C11orf54: variants seen among roughly 807,000 people sequenced by gnomAD.
C11orf54 encodes the protein beta-keto L-gulonate decarboxylase.
A neutral mutation model predicts 35.5 loss-of-function variants in C11orf54; 29 were observed. That is an observed-to-expected ratio of 0.82 (90% CI 0.61 to 1.11). The LOEUF (loss-of-function observed/expected upper bound fraction) is 1.11. Among genes scored for constraint, C11orf54 ranks in the 50% most tolerant of loss-of-function variants. C11orf54 has a pLI of 0.00. For synonymous variants in C11orf54, 108 were observed against 121.1 expected, an observed-to-expected ratio of 0.89 and a Z score of 0.71; for missense variants, 373 against 369.2, an observed-to-expected ratio of 1.01 and a Z score of -0.08.
chr11:93,748,981 TA>T (rs1942644929), intron 2 of C11orf54, among the ~76,000 whole-genome samples: 1 of 151,280 alleles, frequency 6.6e-6, no homozygotes, highest in South Asian at 2.1e-4. Context: ...CTGTCTCTAC[TA>T]AAAATAGAAA....
intron 1 of C11orf54, 66 bp from the exon 2 acceptor site, chr11:93,747,231 G>T (rs1020028146): frequency 4.7e-6 from 2 of 424,276 alleles, no homozygotes; most frequent in Non-Finnish European, 8.3e-6. Context: ...GCCTGTTTAT[G>T]AAGATAGAAA....
intron 1 of C11orf54, among the ~76,000 whole-genome samples, chr11:93,743,290 C>A (rs1174523111): frequency 1.3e-5 from 2 of 152,078 alleles, no homozygotes; most frequent in African/African-American, 4.8e-5. Context: ...CGTGAATCAC[C>A]GCGCCCGGCC....
intron 2 of C11orf54, 87 bp downstream of exon 2, chr11:93,747,535 C>CG: frequency 1.4e-6 from 1 of 712,604 alleles, no homozygotes; most frequent in Non-Finnish European, 2.2e-6. Flanking sequence ...CTATATCTTA[C>CG]TACTTATGTA....
At chr11:93,752,343 C>CA (rs1942882656) in intron 3 of C11orf54, among the ~76,000 whole-genome samples, 1 of 152,100 alleles carries the variant, frequency 6.6e-6, no homozygotes, top group Non-Finnish European at 1.5e-5. Context: ...ACTAAAAGTA[C>CA]AAAAATTAGC....
intron 6 of C11orf54, among the ~76,000 whole-genome samples, chr11:93,756,908 G>A (rs532074630): frequency 6.6e-6 from 1 of 152,100 alleles, no homozygotes; most frequent in Non-Finnish European, 1.5e-5. Context: ...TTTAAGGGAA[G>A]TGAGAAAATG....
At position 93,757,430 on chromosome 11, in the gene C11orf54, A is replaced by G; in HGVS notation, c.622A>G (p.Ile208Val). ...GCCTATAGGAATGGGAGGTACTTTC[A>G]TAATTCAGAAGGGAAAAGTGAAGTC... is the stretch of plus-strand genomic sequence containing the variant. ...NKPIGMGGTF[I>V]IQKGKVKSHI... The change falls in exon 7 of 9, where the codon ATA (isoleucine) becomes GTA (valine). Residue 208 changes from isoleucine to valine, a missense_variant. Coordinates refer to ENST00000354421, the MANE Select transcript of C11orf54 (RefSeq NM_001286069.2). The G allele has an allele frequency of 2.5e-6, 4 of 1,598,330 alleles. No individual in the cohort carries two copies. In the South Asian group the frequency reaches 4.4e-5, roughly 18 times the overall value.
In C11orf54 at chr11:93,747,864, T is replaced by TC. The variant is rs532993634; in HGVS notation, c.55+423dup. ...ATGTTAATCATATTCCCAATATAAT[T>TC]CCCCCCCACCACTGATAATGACAGA... On this transcript the variant is annotated intron_variant, in intron 2 of 8. Coordinates refer to ENST00000354421, the MANE Select transcript of C11orf54 (RefSeq NM_001286069.2). 4.8e-4 allele frequency among the ~76,000 whole-genome samples: 73 copies of TC among 152,112 alleles called. 1 individual carries two copies. The highest frequency in any genetic ancestry group is 3.6e-3 in the Admixed American group (55 of 15,226).
Position 93,753,725 on chromosome 11 carries a change from T to G in C11orf54, c.198T>G (p.Pro66=), listed in dbSNP as rs747125637. 1.6e-5 allele frequency: 26 copies of G among 1,614,024 alleles called. No homozygotes were observed. The South Asian group carries it at 2.9e-4, about 18-fold the overall frequency. ...GAATTGCAGAAGTTGGAGGTGTGCCTTACTTATTGCCTCTTGTAAACCAAA... is the reference window on the plus strand; with the variant it reads ...GAATTGCAGAAGTTGGAGGTGTGCCGTACTTATTGCCTCTTGTAAACCAAA... ...KTRIAEVGGV[P]YLLPLVNQKK... is the part of the protein sequence containing the mutation. The change falls in exon 4 of 9, where the codon CCT becomes CCG. Residue 66 remains proline (P), a synonymous_variant. Transcript: ENST00000354421.
At chr11:93,747,740 A>T (rs1942561854) in intron 2 of C11orf54, among the ~76,000 whole-genome samples, 3 of 152,228 alleles carry the variant, frequency 2.0e-5, no homozygotes, top group Admixed American at 2.0e-4. Context: ...AATGATTAGT[A>T]ATCCAAGACT....
At chr11:93,751,450 G>C (rs1179652453) in intron 3 of C11orf54, among the ~76,000 whole-genome samples, 1 of 133,684 alleles carries the variant, frequency 7.5e-6, no homozygotes, top group African/African-American at 2.9e-5. Context: ...CTGTCACCAG[G>C]CTGGAGTTCA....
At chr11:93,748,791 G>C (rs575036000) in intron 2 of C11orf54, among the ~76,000 whole-genome samples, 1 of 150,934 alleles carries the variant, frequency 6.6e-6, no homozygotes, top group Non-Finnish European at 1.5e-5. Flanking sequence ...AGCCAAGATC[G>C]CGCCACTGTA....
intron 1 of C11orf54, among the ~76,000 whole-genome samples, chr11:93,745,307 G>A (rs1017102737): frequency 2.0e-5 from 3 of 152,142 alleles, no homozygotes; most frequent in Non-Finnish European, 2.9e-5. Flanking sequence ...GTCTCAGTGG[G>A]GGGAATTCTT....
chr11:93,755,209 G>A lies in C11orf54; in HGVS notation c.331-1G>A, dbSNP rs1218503342. The A allele has an allele frequency of 6.2e-7, 1 of 1,613,666 alleles. No individual in the cohort carries two copies. Among genetic ancestry groups the A allele is most frequent in the Admixed American group, 1.7e-5 (1 of 59,978 alleles). ...GACTAATTGCCTCACTTTCTTTTCAGTTTATGCCAGTTATTCAGACAGAAA... is the reference window on the plus strand; with the variant it reads ...GACTAATTGCCTCACTTTCTTTTCAATTTATGCCAGTTATTCAGACAGAAA... On this transcript the variant is annotated splice_acceptor_variant, in intron 5 of 8. Transcript: ENST00000354421. LOFTEE classifies it high-confidence loss of function.
At chr11:93,755,514 T>G in intron 6 of C11orf54, 128 bp downstream of exon 6, 1 of 997,662 alleles carries the variant, frequency 1.0e-6, no homozygotes, top group Non-Finnish European at 1.4e-6. Context: ...CCAAGCTGGG[T>G]GGATAACTTG....
At chr11:93,745,776 G>A (rs954329422) in intron 1 of C11orf54, 2 of 152,306 alleles carry the variant, frequency 1.3e-5, no homozygotes, top group African/African-American at 4.8e-5. Context: ...GAGCTCAGGA[G>A]TTTGAGACCA....
In C11orf54 at chr11:93,753,769, C is replaced by T; in HGVS notation, c.228+14C>T. 6 of 1,609,582 alleles carry T rather than the reference C, an allele frequency of 3.7e-6. No individual in the cohort carries two copies. The highest frequency in any genetic ancestry group is 3.3e-4 in the Middle Eastern group (2 of 6,050). The stretch of plus-strand genomic sequence containing the variant: ...AACCAAAAAAAAGTAAGTACTTTTA[C>T]TCTGCATATTCACATGAAGATTGTA... On this transcript the variant is annotated intron_variant, in intron 4 of 8. Transcript: ENST00000354421.
chr11:93,744,766 A>G (rs1171940472), intron 1 of C11orf54, among the ~76,000 whole-genome samples: 1 of 152,282 alleles, frequency 6.6e-6, no homozygotes, highest in Non-Finnish European at 1.5e-5. Context: ...GAGAAAATAA[A>G]TAAGACACAA....
intron 5 of C11orf54, 132 bp from the exon 6 acceptor site, chr11:93,755,078 T>C: frequency 1.1e-6 from 1 of 928,336 alleles, no homozygotes; most frequent in East Asian, 2.7e-5. Flanking sequence ...AATTAAATAT[T>C]ATGTATTTTA....
Position 93,762,664 on chromosome 11 carries a change from C to T in C11orf54, c.*976C>T, listed in dbSNP as rs940595292. The T allele has an allele frequency of 1.3e-5, 2 of 152,148 alleles. No homozygotes were observed. The highest frequency in any genetic ancestry group is 2.1e-4 in the South Asian group (1 of 4,830). The allele number at this position is 152,148 out of a possible 1,614,324, so 9.4% of individuals were successfully genotyped here. A position where few individuals can be genotyped will look rare whatever the true frequency, so the allele number is the denominator to read the frequency against. On this transcript the variant is annotated 3_prime_UTR_variant, in exon 9 of 9. Transcript: ENST00000354421. ...CAAACATTAGCAACTAGTTGGCTAG[C>T]CATAATTCCTCCCTTGTTTCGATTG...
Sources: allele counts gnomAD v4.1 joint callset (sites outside exome capture counted in the v4.1 genomes callset), GRCh38; gene constraint gnomAD v4.1.1; transcripts MANE v1.5; gene names NCBI Gene and HGNC (gene_info 2026-07-23, HGNC 2026-07-21).